Variants in SLC6A5 observed in about 807,000 individuals in gnomAD.
SLC6A5 encodes solute carrier family 6 member 5, also known as sodium- and chloride-dependent glycine transporter 2.
In SLC6A5, 58 loss-of-function variants were observed where a neutral mutation model predicts 90.5. The observed-to-expected ratio is 0.64, with a 90% confidence interval of 0.52 to 0.80. SLC6A5 has a LOEUF of 0.80. Ranked by LOEUF, SLC6A5 falls within the 30% of genes least tolerant of loss-of-function variation. SLC6A5 has a pLI of 0.00. For missense variants in SLC6A5, 1,015 were observed against 1,017.6 expected, an observed-to-expected ratio of 1.00 and a Z score of 0.03; for synonymous variants, 427 against 401.4, an observed-to-expected ratio of 1.06 and a Z score of -0.76.
chr11:20,599,761 A>T, intron 1 of SLC6A5, 86 bp downstream of exon 1: 5 of 1,464,000 alleles, frequency 3.4e-6, no homozygotes, highest in South Asian at 2.3e-5. Context: ...TCTTTTGGAG[A>T]TGTCTGTGCA....
intron 7 of SLC6A5, among the ~76,000 whole-genome samples, chr11:20,618,664 C>T (rs2133789362): frequency 6.6e-6 from 1 of 152,200 alleles, no homozygotes; most frequent in South Asian, 2.1e-4. Flanking sequence ...AGGTTGGGTG[C>T]AGTGGCTCAG....
chr11:20,642,239 C>A (rs1853328677), intron 13 of SLC6A5, among the ~76,000 whole-genome samples: 1 of 149,764 alleles, frequency 6.7e-6, no homozygotes, highest in Non-Finnish European at 1.5e-5. Flanking sequence ...ACCTGGCCAC[C>A]CAGGAGGGAG....
rs56739547 is a variant in SLC6A5 at position 20,611,767 on chromosome 11, G to GAA, written c.986-2898_986-2897dup. Among the ~76,000 whole-genome samples, 3,451 of 143,974 alleles carry GAA rather than the reference G, an allele frequency of 0.024. 338 individuals carry two copies. The East Asian group carries it at 0.33, about 14-fold the overall frequency. 94.5% of individuals were successfully genotyped at this position (143,974 alleles called of 152,430 possible). A position where few individuals can be genotyped will look rare whatever the true frequency, so the allele number is the denominator to read the frequency against. ...GGTTTATTTGTTTATTTATTTTGGT[G>GAA]AAAAAAAAAAAAAAACAAGGTGTCA... On this transcript the variant is annotated intron_variant, in intron 5 of 15. Coordinates refer to ENST00000525748, the MANE Select transcript of SLC6A5 (RefSeq NM_004211.5).
intron 5 of SLC6A5, among the ~76,000 whole-genome samples, chr11:20,610,328 G>A (rs1291360915): frequency 6.6e-6 from 1 of 152,226 alleles, no homozygotes; most frequent in East Asian, 1.9e-4. Flanking sequence ...ATTGCAGGAG[G>A]CTTGGGGCTG....
chr11:20,604,640 G>C (rs1412575905), intron 3 of SLC6A5, among the ~76,000 whole-genome samples: 1 of 152,166 alleles, frequency 6.6e-6, no homozygotes, highest in Non-Finnish European at 1.5e-5. Flanking sequence ...TATCTAGAGA[G>C]GGACACAGGG....
At chr11:20,632,185 T>C (rs369514004) in intron 10 of SLC6A5, among the ~76,000 whole-genome samples, 7 of 152,130 alleles carry the variant, frequency 4.6e-5, no homozygotes, top group African/African-American at 7.2e-5. Context: ...TCCTGTAACC[T>C]CATTTCCTCC....
At chr11:20,614,040 G>A (rs1021362860) in intron 5 of SLC6A5, among the ~76,000 whole-genome samples, 1 of 152,064 alleles carries the variant, frequency 6.6e-6, no homozygotes, top group African/African-American at 2.4e-5. Context: ...CAGGATCCCC[G>A]GTAGACGGCG....
chr11:20,654,229 C>T (rs1315378058), intron 15 of SLC6A5, among the ~76,000 whole-genome samples: 2 of 151,792 alleles, frequency 1.3e-5, no homozygotes, highest in Admixed American at 1.3e-4. Flanking sequence ...TTTTTTTCCT[C>T]CGGTCATTTA....
At position 20,601,646 on chromosome 11, in the gene SLC6A5, T is replaced by C; in HGVS notation, c.521T>C (p.Val174Ala). Residue 174 changes from valine (V) to alanine (A), a missense_variant, in exon 2 of 16, where the codon GTG (valine) becomes GCG (alanine). Physicochemically the swap from Val to Ala is moderately conservative, Grantham distance 64. Transcript: ENST00000525748. ...ATCACGTCCGTGCTCCCGGGCAGCGTGGCCACCGTTGCCACCCAGGTAAGC... is the reference window on the plus strand; with the variant it reads ...ATCACGTCCGTGCTCCCGGGCAGCGCGGCCACCGTTGCCACCCAGGTAAGC... ...DGITSVLPGS[V>A]ATVATQEDEQ... is the part of the protein sequence containing the mutation. 6.2e-7 allele frequency: 1 copy of C among 1,613,870 alleles called. No homozygotes were observed. Among genetic ancestry groups the C allele is most frequent in the Admixed American group, 1.7e-5 (1 of 60,030 alleles).
At chr11:20,612,244 G>C (rs369671338) in intron 5 of SLC6A5, among the ~76,000 whole-genome samples, 5 of 152,214 alleles carry the variant, frequency 3.3e-5, no homozygotes, top group African/African-American at 1.2e-4. Flanking sequence ...TCCAGAAAAA[G>C]CTATAACAAT....
chr11:20,607,196 C>A, intron 4 of SLC6A5, 58 bp downstream of exon 4: 1 of 1,563,052 alleles, frequency 6.4e-7, no homozygotes. Flanking sequence ...TCCCCTCTGG[C>A]ACCATGCAGC....
At chr11:20,615,451 C>G (rs550902518) in intron 6 of SLC6A5, among the ~76,000 whole-genome samples, 2 of 152,124 alleles carry the variant, frequency 1.3e-5, no homozygotes, top group Non-Finnish European at 2.9e-5. Context: ...TCACTGAAAC[C>G]TCTGCCTCTG....
chr11:20,607,187 C>A (rs765574321), intron 4 of SLC6A5, 49 bp downstream of exon 4: 1 of 1,569,748 alleles, frequency 6.4e-7, no homozygotes, highest in Non-Finnish European at 8.6e-7. Context: ...CTTACTCTGT[C>A]CCCTCTGGCA....
In SLC6A5 at chr11:20,607,333, TC is replaced by T. The variant is rs1852603071; in HGVS notation, c.812-143del. 10 of 1,173,104 alleles carry T rather than the reference TC, an allele frequency of 8.5e-6. No homozygotes were observed. The Admixed American group carries it at 1.5e-4, about 18-fold the overall frequency. The allele number at this position is 1,173,104 out of a possible 1,614,324, so 72.7% of individuals were successfully genotyped here. A position where few individuals can be genotyped will look rare whatever the true frequency, so the allele number is the denominator to read the frequency against. ...GAGTTCCCAGCAGAATGCCTTCATA[TC>T]CCTGGTAGACATACAGTCCACTCTG... On this transcript the variant is annotated intron_variant, in intron 4 of 15. Coordinates refer to ENST00000525748, the MANE Select transcript of SLC6A5 (RefSeq NM_004211.5).
Position 20,627,524 on chromosome 11 carries a change from C to T in SLC6A5, c.1396-456C>T, listed in dbSNP as rs929707589. ...GGACGTGACACTATAAAGTCTGCAG[C>T]GGCATAGAGGTTGCTTTACTGAGAT... On this transcript the variant is annotated intron_variant, in intron 8 of 15. Coordinates refer to ENST00000525748, the MANE Select transcript of SLC6A5 (RefSeq NM_004211.5). Among the ~76,000 whole-genome samples, 6 of 152,286 alleles carry T rather than the reference C, an allele frequency of 3.9e-5. No homozygotes were observed. In the East Asian group the frequency reaches 7.7e-4, roughly 20 times the overall value.
chr11:20,625,415 C>T (rs1279466080), intron 7 of SLC6A5, among the ~76,000 whole-genome samples: 1 of 152,140 alleles, frequency 6.6e-6, no homozygotes. Context: ...GAGCCTGCCA[C>T]CACACCCGGC....
rs868164766 is a variant in SLC6A5, at chr11:20,639,722, T to C, written c.1969+1164T>C. ...AAAGGGGGTGGAGTGGGAATCAAGA[T>C]GGAAAAAGAAACCTCCTGTGTAAAC... is the stretch of plus-strand genomic sequence containing the variant. On this transcript the variant is annotated intron_variant, in intron 13 of 15. Transcript: ENST00000525748. Among the ~76,000 whole-genome samples, 7 of 152,218 alleles carry C rather than the reference T, an allele frequency of 4.6e-5. No individual in the cohort carries two copies. The South Asian group carries it at 8.3e-4, about 18-fold the overall frequency.
At chr11:20,637,086 T>C (rs1437102803) in intron 11 of SLC6A5, 86 bp from the exon 12 acceptor site, 2 of 1,393,190 alleles carry the variant, frequency 1.4e-6, no homozygotes, top group Non-Finnish European at 2.0e-6. Context: ...AATACAACTT[T>C]CCTGGATGGG....
chr11:20,634,132 A>C (rs1383556817), intron 10 of SLC6A5, among the ~76,000 whole-genome samples: 1 of 152,130 alleles, frequency 6.6e-6, no homozygotes, highest in Non-Finnish European at 1.5e-5. Flanking sequence ...GGCCTCCCAA[A>C]GTGTGGGGAT....
Sources: gnomAD v4.1 joint callset for allele counts (sites outside exome capture counted in the v4.1 genomes callset) on GRCh38, gnomAD v4.1.1 for gene constraint, MANE v1.5 for transcripts, NCBI Gene and HGNC (gene_info 2026-07-23, HGNC 2026-07-21) for gene names.